DPYSL2: variants seen among roughly 807,000 people sequenced by gnomAD.
The protein encoded by DPYSL2 is dihydropyrimidinase like 2.
A neutral mutation model predicts 69.9 loss-of-function variants in DPYSL2; 13 were observed. The observed-to-expected ratio is 0.19, with a 90% CI of 0.12 to 0.30. The LOEUF (loss-of-function observed/expected upper bound fraction) is 0.30, where lower values mean the gene tolerates loss of function less well. Among genes scored for constraint, DPYSL2 ranks in the 10% least tolerant of loss-of-function variants. DPYSL2 has a pLI of 1.00. For missense variants in DPYSL2, 587 were observed against 918.9 expected (o/e 0.64, Z 4.67); for synonymous variants, 326 against 359.1 (o/e 0.91, Z 1.04).
chr8:26,565,254 G>GTGT lies in DPYSL2; in HGVS notation c.355-16714_355-16712dup, dbSNP rs35540995. 0.45 allele frequency among the ~76,000 whole-genome samples: 68,130 copies of GTGT among 151,888 alleles called. 16,600 individuals carry two copies. Among genetic ancestry groups the GTGT allele is most frequent in the East Asian group, 0.7 (3,621 of 5,166 alleles). Reference sequence around the variant, plus strand: ...TGCTGCAATAAACATAGGAGTGCAGGTGTCTTTTTGATATCATGACTTCTT... The same window carrying GTGT: ...TGCTGCAATAAACATAGGAGTGCAGGTGTTGTCTTTTTGATATCATGACTTCTT... On this transcript the variant is annotated intron_variant, in intron 1 of 13. Transcript: ENST00000521913. This position sits in a 1 kb window ranked among gnomAD's most constrained non-coding sequence, Gnocchi z 4.1.
rs577805534 is a variant in DPYSL2 at position 26,586,647 on chromosome 8, A to G, written c.628+2664A>G. ...CCTCAGAGGCTGTGGCCTTTTTTCC[A>G]TTCATCCAGATGGGTTCCTTCTGTT... On this transcript the variant is annotated intron_variant, in intron 3 of 13. Transcript: ENST00000521913. This position sits in a 1 kb window ranked among gnomAD's most constrained non-coding sequence, Gnocchi z 4.7. Among the ~76,000 whole-genome samples, 27 of 151,794 alleles carry G rather than the reference A, an allele frequency of 1.8e-4. No individual in the cohort carries two copies. The South Asian group carries it at 4.0e-3, about 22-fold the overall frequency.
chr8:26,569,935 T>C (rs879512997), intron 1 of DPYSL2, among the ~76,000 whole-genome samples: 11 of 152,156 alleles, frequency 7.2e-5, no homozygotes, highest in Admixed American at 1.3e-4. Flanking sequence ...TCGGGCGCGG[T>C]GGCTCACACC....
chr8:26,532,174 C>T (rs1800519002), intron 1 of DPYSL2, among the ~76,000 whole-genome samples: 1 of 152,052 alleles, frequency 6.6e-6, no homozygotes, highest in African/African-American at 2.4e-5. Flanking sequence ...GACACAGTTG[C>T]TGGAGGATGA....
intron 1 of DPYSL2, among the ~76,000 whole-genome samples, chr8:26,519,722 C>T (rs12678637): frequency 0.71 from 107,947 of 151,920 alleles, 39,366 homozygotes; most frequent in East Asian, 0.94. Context: ...TAGTCAATTA[C>T]GTGGCTCAGT....
intron 1 of DPYSL2, among the ~76,000 whole-genome samples, chr8:26,577,604 C>T (rs1355138160): frequency 1.3e-5 from 2 of 149,676 alleles, no homozygotes; most frequent in Non-Finnish European, 3.0e-5. Flanking sequence ...CGGGGTGCCG[C>T]CCCTCCCCCC....
At chr8:26,536,592 A>G (rs1368597097) in intron 1 of DPYSL2, among the ~76,000 whole-genome samples, 1 of 152,098 alleles carries the variant, frequency 6.6e-6, no homozygotes, top group East Asian at 1.9e-4. Context: ...AATCGCCTGA[A>G]CCCAGGAGGC....
intron 1 of DPYSL2, chr8:26,578,628 T>C: frequency 8.5e-7 from 1 of 1,180,618 alleles, no homozygotes. Context: ...AGATTGAATA[T>C]GCATGCCTGG....
rs1802184692 is a variant in DPYSL2 at position 26,609,649 on chromosome 8, TC to T, written c.629-14493del. 1.3e-5 allele frequency among the ~76,000 whole-genome samples: 2 copies of T among 152,184 alleles called. No homozygotes were observed. Among genetic ancestry groups the T allele is most frequent in the Non-Finnish European group, 2.9e-5 (2 of 68,026 alleles). ...TTCACATGTTTCTCTGGCCACCTCATCGGGCTGGACGCTGCCGGCTGCCACC... is the reference window on the plus strand; with the variant it reads ...TTCACATGTTTCTCTGGCCACCTCATGGGCTGGACGCTGCCGGCTGCCACC... On this transcript the variant is annotated intron_variant, in intron 3 of 13. Coordinates refer to ENST00000521913, the MANE Select transcript of DPYSL2 (RefSeq NM_001197293.3). This position sits in a 1 kb window ranked among gnomAD's most constrained non-coding sequence, Gnocchi z 6.5.
chr8:26,561,611 A>G (rs1801072372), intron 1 of DPYSL2, among the ~76,000 whole-genome samples: 1 of 151,854 alleles, frequency 6.6e-6, no homozygotes, highest in Admixed American at 6.6e-5. Flanking sequence ...TTAATACAGC[A>G]GTCCCCAACT....
intron 1 of DPYSL2, among the ~76,000 whole-genome samples, chr8:26,515,579 T>C (rs963963081): frequency 1.3e-5 from 2 of 152,216 alleles, no homozygotes; most frequent in Non-Finnish European, 2.9e-5. Flanking sequence ...AAAATGTTTG[T>C]CACTTTCTGA....
rs941453629 is a variant in DPYSL2, at chr8:26,627,600, C to T, written c.937-272C>T. 9.9e-5 allele frequency among the ~76,000 whole-genome samples: 15 copies of T among 152,176 alleles called. No individual in the cohort carries two copies. The highest frequency in any genetic ancestry group is 3.4e-4 in the African/African-American group (14 of 41,434). On this transcript the variant is annotated intron_variant, in intron 6 of 13. Transcript: ENST00000521913. The surrounding 1 kb of genome is among the most constrained non-coding windows in gnomAD (Gnocchi z 6.9). The stretch of plus-strand genomic sequence containing the variant: ...CCTCACGTCACACACAGGCATTTTA[C>T]ACCGTGGCTGAGGGTTGCAAATGCA...
intron 3 of DPYSL2, among the ~76,000 whole-genome samples, chr8:26,611,279 G>A (rs1434102463): frequency 2.0e-5 from 3 of 152,204 alleles, no homozygotes; most frequent in East Asian, 1.9e-4. Flanking sequence ...GTTCTCACAC[G>A]CACAGTTTCT....
At chr8:26,537,044 T>A (rs1455972225) in intron 1 of DPYSL2, among the ~76,000 whole-genome samples, 1 of 147,012 alleles carries the variant, frequency 6.8e-6, no homozygotes, top group Admixed American at 7.1e-5. Context: ...AATACGGATT[T>A]TTTTTTTTAA....
chr8:26,611,036 T>C (rs1802214725), intron 3 of DPYSL2, among the ~76,000 whole-genome samples: 1 of 152,164 alleles, frequency 6.6e-6, no homozygotes, highest in African/African-American at 2.4e-5. Context: ...TACAGTGAAG[T>C]AGGCACTGTT....
chr8:26,634,395 G>A (rs1425185118), intron 7 of DPYSL2, among the ~76,000 whole-genome samples: 5 of 149,482 alleles, frequency 3.3e-5, no homozygotes, highest in Admixed American at 3.3e-4. Context: ...CTCCCAAGTA[G>A]CTGGGATTAC....
At position 26,642,424 on chromosome 8, in the gene DPYSL2, C is replaced by T. The variant is rs1585568554; in HGVS notation, c.1127-1015C>T. 6.6e-6 allele frequency among the ~76,000 whole-genome samples: 1 copy of T among 152,076 alleles called. No individual in the cohort carries two copies. The highest frequency in any genetic ancestry group is 2.4e-5 in the African/African-American group (1 of 41,408). Reference sequence around the variant, plus strand: ...TAAGTCCTTGAATGCAGAAGGGCTCCTTTGGAAGATTTTATGCAAGAGAAT... The same window carrying T: ...TAAGTCCTTGAATGCAGAAGGGCTCTTTTGGAAGATTTTATGCAAGAGAAT... On this transcript the variant is annotated intron_variant, in intron 8 of 13. Coordinates refer to ENST00000521913, the MANE Select transcript of DPYSL2 (RefSeq NM_001197293.3). The surrounding 1 kb of genome is among the most constrained non-coding windows in gnomAD (Gnocchi z 5.3).
At chr8:26,603,698 A>G (rs968630198) in intron 3 of DPYSL2, among the ~76,000 whole-genome samples, 11 of 152,076 alleles carry the variant, frequency 7.2e-5, no homozygotes, top group African/African-American at 2.7e-4. Context: ...GGTGGCCCCT[A>G]TTCTATTATA....
intron 1 of DPYSL2, among the ~76,000 whole-genome samples, chr8:26,567,965 C>G (rs17320101): frequency 0.44 from 66,928 of 152,012 alleles, 15,977 homozygotes; most frequent in East Asian, 0.7. Context: ...AACTCCTGAG[C>G]CCCGAGGGAC....
At chr8:26,612,760 C>G (rs974428403) in intron 3 of DPYSL2, among the ~76,000 whole-genome samples, 2 of 152,204 alleles carry the variant, frequency 1.3e-5, no homozygotes, top group African/African-American at 4.8e-5. Context: ...AGGGATGGAT[C>G]GTTGAGGTGA....
Sources: gnomAD v4.1 joint callset for allele counts (sites outside exome capture counted in the v4.1 genomes callset) on GRCh38, gnomAD v4.1.1 for gene constraint, Gnocchi (gnomAD v3.1) non-coding constraint, MANE v1.5 for transcripts, NCBI Gene and HGNC (gene_info 2026-07-23, HGNC 2026-07-21) for gene names.